The following AKT3 variants were observed in gnomAD, a reference collection of about 807,000 sequenced individuals.
AKT3 encodes the protein RAC-gamma serine/threonine-protein kinase.
AKT3 carries 15 observed loss-of-function variants against 65.3 expected under a neutral mutation model. That is an observed-to-expected ratio of 0.23 (90% CI 0.15 to 0.35). The LOEUF is 0.35. AKT3 is among the 10% of genes least tolerant of loss of function. The probability of loss-of-function intolerance (pLI) is 1.00; values close to 1 mark genes in which losing one functional copy is unlikely to be tolerated. For missense variants in AKT3, 243 were observed against 576.5 expected, an observed-to-expected ratio of 0.42 and a Z score of 5.92; for synonymous variants, 206 against 183.8, an observed-to-expected ratio of 1.12 and a Z score of -0.98.
In AKT3 at chr1:243,801,290, G is replaced by T. The variant is rs543734302; in HGVS notation, c.46+41835C>A. ...CTGAACTATGAGAGATATGGAGATTGTAACAAAGAATGAAATCCTTAAAAG... is the reference window on the plus strand; with the variant it reads ...CTGAACTATGAGAGATATGGAGATTTTAACAAAGAATGAAATCCTTAAAAG... On this transcript the variant is annotated intron_variant, in intron 2 of 13. Coordinates refer to ENST00000673466, the MANE Select transcript of AKT3 (RefSeq NM_005465.7). Among the ~76,000 whole-genome samples, 5 of 152,238 alleles carry T rather than the reference G, an allele frequency of 3.3e-5. No homozygotes were observed. In the East Asian group the frequency reaches 9.7e-4, roughly 29 times the overall value.
intron 2 of AKT3, among the ~76,000 whole-genome samples, chr1:243,790,558 G>A (rs1333424288): frequency 6.6e-6 from 1 of 152,064 alleles, no homozygotes; most frequent in East Asian, 1.9e-4. Context: ...TCAGCAATAC[G>A]GCTGTTTCGC....
intron 12 of AKT3, among the ~76,000 whole-genome samples, chr1:243,531,733 T>C (rs1354893826): frequency 6.6e-6 from 1 of 152,186 alleles, no homozygotes; most frequent in African/African-American, 2.4e-5. Context: ...AAATTAAATA[T>C]CCAATATATA....
intron 8 of AKT3, among the ~76,000 whole-genome samples, chr1:243,579,163 A>G (rs1675156683): frequency 6.6e-6 from 1 of 152,184 alleles, no homozygotes; most frequent in Non-Finnish European, 1.5e-5. Flanking sequence ...TATAAAGGAA[A>G]AGAATGGGAA....
intron 4 of AKT3, among the ~76,000 whole-genome samples, chr1:243,647,889 A>G (rs766423926): frequency 2.6e-5 from 4 of 152,040 alleles, no homozygotes; most frequent in African/African-American, 9.7e-5. Context: ...TCTTCTATAT[A>G]ACATTTACTT....
chr1:243,540,139 T>C (rs936397644), intron 12 of AKT3, among the ~76,000 whole-genome samples: 1 of 152,134 alleles, frequency 6.6e-6, no homozygotes, highest in Admixed American at 6.5e-5. Flanking sequence ...TACAAAGACA[T>C]TTTAGGAAAA....
intron 3 of AKT3, among the ~76,000 whole-genome samples, chr1:243,682,356 A>T (rs1013835798): frequency 6.6e-6 from 1 of 152,160 alleles, no homozygotes; most frequent in Non-Finnish European, 1.5e-5. Context: ...CCACCTTCCA[A>T]GCTACAGTTT....
chr1:243,524,879 C>T (rs1414608162), intron 12 of AKT3, among the ~76,000 whole-genome samples: 1 of 152,074 alleles, frequency 6.6e-6, no homozygotes, highest in African/African-American at 2.4e-5. Context: ...AGGAGGTGGG[C>T]ACTAGGAATA....
At chr1:243,734,208 A>G (rs1423437450) in intron 2 of AKT3, among the ~76,000 whole-genome samples, 1 of 152,212 alleles carries the variant, frequency 6.6e-6, no homozygotes, top group African/African-American at 2.4e-5. Context: ...GAGTGAATCA[A>G]TGTATGTATG....
intron 3 of AKT3, among the ~76,000 whole-genome samples, chr1:243,693,554 A>T (rs12736275): frequency 0.04 from 6,015 of 151,946 alleles, 171 homozygotes; most frequent in Middle Eastern, 0.078. Flanking sequence ...AATGTCAGGG[A>T]CAAAAAGGGC....
chr1:243,524,989 A>C (rs1670953810), intron 12 of AKT3, among the ~76,000 whole-genome samples: 1 of 152,180 alleles, frequency 6.6e-6, no homozygotes, highest in Non-Finnish European at 1.5e-5. Flanking sequence ...TTAGAAACCC[A>C]CAGTTCTACT....
chr1:243,496,612 C>T (rs1000718014), downstream of AKT3, among the ~76,000 whole-genome samples: 3 of 152,224 alleles, frequency 2.0e-5, no homozygotes, highest in African/African-American at 4.8e-5. Flanking sequence ...CAGTGAAGTG[C>T]GAAGCCCGGG....
intron 3 of AKT3, among the ~76,000 whole-genome samples, chr1:243,694,948 C>A (rs937226875): frequency 1.1e-4 from 16 of 151,860 alleles, no homozygotes; most frequent in African/African-American, 3.9e-4. Flanking sequence ...TAAATTAACA[C>A]AAAGATTCTC....
intron 12 of AKT3, among the ~76,000 whole-genome samples, chr1:243,529,755 A>G (rs547455225): frequency 1.5e-4 from 23 of 152,112 alleles, no homozygotes; most frequent in African/African-American, 5.5e-4. Context: ...TTTGCTTAGT[A>G]TTGCCTTGGC....
At chr1:243,845,013 A>G (rs1304198870) in intron 1 of AKT3, among the ~76,000 whole-genome samples, 1 of 152,224 alleles carries the variant, frequency 6.6e-6, no homozygotes, top group African/African-American at 2.4e-5. Context: ...GGATAGATGG[A>G]CTACACAAAC....
intron 13 of AKT3, among the ~76,000 whole-genome samples, chr1:243,507,268 C>T (rs1412156318): frequency 6.6e-6 from 1 of 152,228 alleles, no homozygotes; most frequent in Non-Finnish European, 1.5e-5. Flanking sequence ...GCTAGACACC[C>T]TTTTGGAAGA....
intron 2 of AKT3, among the ~76,000 whole-genome samples, chr1:243,790,131 G>A (rs767461224): frequency 2.0e-5 from 3 of 152,170 alleles, no homozygotes; most frequent in Non-Finnish European, 2.9e-5. Context: ...CATTAGCTAC[G>A]ACCAAGAAAG....
chr1:243,786,226 C>A (rs1159037603), intron 2 of AKT3, among the ~76,000 whole-genome samples: 1 of 152,188 alleles, frequency 6.6e-6, no homozygotes, highest in Non-Finnish European at 1.5e-5. Context: ...CAAAGCAGAA[C>A]AAAGTTATGC....
chr1:243,740,323 G>GC (rs1337844356), intron 2 of AKT3, among the ~76,000 whole-genome samples: 5 of 152,128 alleles, frequency 3.3e-5, no homozygotes, highest in Admixed American at 2.0e-4. Flanking sequence ...AAAAGCGTTT[G>GC]CCCCCCTTCT....
intron 4 of AKT3, among the ~76,000 whole-genome samples, chr1:243,657,610 C>T (rs1052207629): frequency 2.6e-5 from 4 of 152,018 alleles, no homozygotes; most frequent in African/African-American, 7.3e-5. Flanking sequence ...TTTCAAAATC[C>T]TACAGCATTT....
Sources: allele counts gnomAD v4.1 joint callset (sites outside exome capture counted in the v4.1 genomes callset), GRCh38; gene constraint gnomAD v4.1.1; transcripts MANE v1.5; gene names NCBI Gene and HGNC (gene_info 2026-07-23, HGNC 2026-07-21).